TRPM8: variants seen among roughly 807,000 people sequenced by gnomAD.
TRPM8 encodes the protein transient receptor potential cation channel subfamily M member 8.
TRPM8 carries 110 observed loss-of-function variants against 133.7 expected under a neutral mutation model. The observed-to-expected ratio is 0.82, with a 90% CI of 0.70 to 0.96. The LOEUF (loss-of-function observed/expected upper bound fraction) is 0.96, where lower values mean the gene tolerates loss of function less well. TRPM8 is among the 40% of genes least tolerant of loss of function. The pLI, the probability that TRPM8 is intolerant of heterozygous loss-of-function variation, is 0.00. For missense variants in TRPM8, 1,291 were observed against 1,379.5 expected (o/e 0.94, Z 1.02); for synonymous variants, 535 against 532.3 (o/e 1.01, Z -0.07).
Position 233,999,491 on chromosome 2 carries a change from C to T in TRPM8, c.3130+2975C>T, listed in dbSNP as rs1026936570. 1.3e-4 allele frequency among the ~76,000 whole-genome samples: 19 copies of T among 151,466 alleles called. No homozygotes were observed. The Middle Eastern group carries it at 0.01, about 81-fold the overall frequency. On this transcript the variant is annotated intron_variant, in intron 22 of 25. Coordinates refer to ENST00000324695, the MANE Select transcript of TRPM8 (RefSeq NM_024080.5). ...TTCTGGGTGGGAAGGACAGCCTGCC[C>T]GGTGGGTGGAAGAATCCGTGGCCCT...
intron 22 of TRPM8, among the ~76,000 whole-genome samples, chr2:234,005,691 A>G (rs1321795690): frequency 1.3e-5 from 2 of 152,118 alleles, no homozygotes; most frequent in African/African-American, 4.8e-5. Context: ...CAGGTAAACC[A>G]CTTGAGGTCA....
At chr2:233,957,503 C>A (rs1181808075) in intron 11 of TRPM8, among the ~76,000 whole-genome samples, 4 of 151,530 alleles carry the variant, frequency 2.6e-5, no homozygotes, top group Non-Finnish European at 5.9e-5. Flanking sequence ...CAAACAAACA[C>A]ACACAAAAAA....
chr2:233,964,571 A>AG, intron 13 of TRPM8, 57 bp from the exon 14 acceptor site: 1 of 1,351,934 alleles, frequency 7.4e-7, no homozygotes, highest in Middle Eastern at 2.4e-4. Flanking sequence ...AAAAAAAAAA[A>AG]AAAAAAGAAA....
At chr2:233,937,186 G>A (rs149057580) in intron 3 of TRPM8, 167 bp from the exon 4 acceptor site, 19 of 789,154 alleles carry the variant, frequency 2.4e-5, no homozygotes, top group East Asian at 1.1e-4. Context: ...GTGAGCCACC[G>A]CACCCGTCCA....
chr2:233,936,627 A>G (rs1370246904), intron 3 of TRPM8, among the ~76,000 whole-genome samples: 1 of 152,232 alleles, frequency 6.6e-6, no homozygotes, highest in Non-Finnish European at 1.5e-5. Flanking sequence ...TCACTTCAGA[A>G]TAGCCTTACT....
At chr2:233,960,528 T>G (rs1351375816) in intron 11 of TRPM8, among the ~76,000 whole-genome samples, 5 of 152,180 alleles carry the variant, frequency 3.3e-5, no homozygotes, top group African/African-American at 1.2e-4. Flanking sequence ...ACATCCAAAT[T>G]CACATCTGGC....
chr2:233,960,142 T>C (rs958877986), intron 11 of TRPM8, among the ~76,000 whole-genome samples: 7 of 152,258 alleles, frequency 4.6e-5, no homozygotes, highest in African/African-American at 1.7e-4. Context: ...AACAATCAAG[T>C]ATTATTGTCA....
chr2:233,983,289 C>T (rs1692059586), intron 20 of TRPM8, 65 bp downstream of exon 20: 1 of 1,599,304 alleles, frequency 6.3e-7, no homozygotes, highest in East Asian at 2.2e-5. Flanking sequence ...AACCAACCCC[C>T]AGGGCTGCCC....
Position 233,964,763 on chromosome 2 carries a change from T to C in TRPM8, c.1879+6T>C. The C allele has an allele frequency of 6.2e-7, 1 of 1,607,672 alleles. No homozygotes were observed. Among genetic ancestry groups the C allele is most frequent in the Non-Finnish European group, 8.5e-7 (1 of 1,175,656 alleles). On this transcript the variant is annotated splice_donor_region_variant and intron_variant, in intron 14 of 25. Transcript: ENST00000324695. ...GTACGAGACCCGGGCTGTTGGTGAG[T>C]CCACAGTGTGGAATGCTGTGGTGGG...
intron 15 of TRPM8, among the ~76,000 whole-genome samples, chr2:233,968,840 C>A (rs1574738999): frequency 6.6e-6 from 1 of 152,178 alleles, no homozygotes; most frequent in Non-Finnish European, 1.5e-5. Context: ...TCCCTTCTGT[C>A]CCAACGTCAA....
intron 13 of TRPM8, among the ~76,000 whole-genome samples, chr2:233,963,686 G>A (rs190346636): frequency 3.9e-5 from 6 of 152,268 alleles, no homozygotes; most frequent in Non-Finnish European, 8.8e-5. Flanking sequence ...CAGCTTTATC[G>A]CATTATGGAC....
At chr2:233,946,336 C>T (rs61266700) in intron 7 of TRPM8, 7 of 247,850 alleles carry the variant, frequency 2.8e-5, no homozygotes, top group South Asian at 2.5e-4. Context: ...AGAACAAATA[C>T]GATCTACAAT....
chr2:233,966,788 C>A, intron 15 of TRPM8, 33 bp downstream of exon 15: 1 of 1,486,330 alleles, frequency 6.7e-7, no homozygotes, highest in Non-Finnish European at 9.0e-7. Context: ...ACCACACGGC[C>A]AGAAATGGGG....
At chr2:234,012,763 T>C (rs1692873591) in intron 24 of TRPM8, among the ~76,000 whole-genome samples, 1 of 152,074 alleles carries the variant, frequency 6.6e-6, no homozygotes, top group African/African-American at 2.4e-5. Flanking sequence ...ATGGCCTTTA[T>C]TGTGTTGTAG....
chr2:233,985,775 G>A lies in TRPM8; in HGVS notation c.2849G>A (p.Arg950Gln), dbSNP rs199616111. Residue 950 changes from arginine (R) to glutamine (Q), a missense_variant, in exon 21 of 26, where the codon CGG becomes CAG. Transcript: ENST00000324695. ...CVELDEHNLP[R>Q]FPEWITIPLV... The stretch of plus-strand genomic sequence containing the variant: ...GAGCTGGATGAGCACAACCTGCCCC[G>A]GTTCCCCGAGTGGATCACCATCCCC... The A allele has an allele frequency of 5.2e-5, 84 of 1,614,008 alleles. No homozygotes were observed. The highest frequency in any genetic ancestry group is 1.2e-4 in the South Asian group (11 of 91,080).
At chr2:233,948,619 C>G (rs1191957948) in intron 8 of TRPM8, among the ~76,000 whole-genome samples, 1 of 152,198 alleles carries the variant, frequency 6.6e-6, no homozygotes, top group Non-Finnish European at 1.5e-5. Context: ...TAGGGGGAGA[C>G]TGGAGAGCTG....
intron 23 of TRPM8, among the ~76,000 whole-genome samples, chr2:234,007,246 G>A (rs754091531): frequency 2.2e-4 from 34 of 152,190 alleles, no homozygotes; most frequent in Non-Finnish European, 3.8e-4. Flanking sequence ...ACAAGAGGGT[G>A]GGTCCCCTGC....
chr2:233,952,057 C>G (rs1215427164), intron 9 of TRPM8, among the ~76,000 whole-genome samples: 1 of 152,136 alleles, frequency 6.6e-6, no homozygotes, highest in African/African-American at 2.4e-5. Flanking sequence ...CTCAACTTCT[C>G]GAGAACTTGA....
rs578136279 is a variant in TRPM8, at chr2:233,999,643, G to A, written c.3130+3127G>A. On this transcript the variant is annotated intron_variant, in intron 22 of 25. Transcript: ENST00000324695. Reference sequence around the variant, plus strand: ...ATCAAAAGAAGGGGAGCTTCTCACTGCCCGTCCTACTCCCAAATTCACAGC... The same window carrying A: ...ATCAAAAGAAGGGGAGCTTCTCACTACCCGTCCTACTCCCAAATTCACAGC... Among the ~76,000 whole-genome samples, 7 of 152,156 alleles carry A rather than the reference G, an allele frequency of 4.6e-5. No homozygotes were observed. The East Asian group carries it at 1.3e-3, about 29-fold the overall frequency.
Sources: gnomAD v4.1 joint callset for allele counts (sites outside exome capture counted in the v4.1 genomes callset) on GRCh38, gnomAD v4.1.1 for gene constraint, MANE v1.5 for transcripts, NCBI Gene and HGNC (gene_info 2026-07-23, HGNC 2026-07-21) for gene names.